FHIP2A: variants seen among roughly 807,000 people sequenced by gnomAD.
FHIP2A encodes the protein family with sequence similarity 160 member B1.
Under a neutral mutation model 93.5 loss-of-function variants are expected in FHIP2A, and 46 were observed. That is an observed-to-expected ratio of 0.49 (90% CI 0.39 to 0.63). The LOEUF is 0.63. Ranked by LOEUF, FHIP2A falls within the 20% of genes least tolerant of loss-of-function variation. FHIP2A has a pLI of 0.00. For missense variants in FHIP2A, 769 were observed against 909.7 expected (o/e 0.85, Z 1.99); for synonymous variants, 332 against 326.5 (o/e 1.02, Z -0.18).
chr10:114,892,573 G>T (rs1334483291), intron 16 of FHIP2A, among the ~76,000 whole-genome samples: 1 of 152,110 alleles, frequency 6.6e-6, no homozygotes, highest in Non-Finnish European at 1.5e-5. Flanking sequence ...GGGAGGAGGA[G>T]GTTGCAGTGA....
At chr10:114,878,359 A>G (rs2083899331) in intron 16 of FHIP2A, among the ~76,000 whole-genome samples, 1 of 152,152 alleles carries the variant, frequency 6.6e-6, no homozygotes, top group Non-Finnish European at 1.5e-5. Context: ...GGGTGTCCTC[A>G]CCTAGTCCAA....
In FHIP2A at chr10:114,855,230, G is replaced by C. The variant is rs1360485449; in HGVS notation, c.1837G>C (p.Glu613Gln). ...RDYCAICLRWEWPGSPKALEK... is the reference protein window; with the variant it reads ...RDYCAICLRWQWPGSPKALEK... ...CTACTGTGCTATCTGCTTAAGATGG[G>C]AGTGGCCTGGGTCTCCAAAAGCATT... The change falls in exon 14 of 17, where the codon GAG becomes CAG. Residue 613 changes from glutamate (E) to glutamine (Q), a missense_variant. Coordinates refer to ENST00000369248, the MANE Select transcript of FHIP2A (RefSeq NM_020940.4). 6.2e-7 allele frequency: 1 copy of C among 1,614,006 alleles called. No individual in the cohort carries two copies. The highest frequency in any genetic ancestry group is 2.2e-5 in the East Asian group (1 of 44,862).
chr10:114,832,036 A>G (rs904886773), intron 2 of FHIP2A, among the ~76,000 whole-genome samples: 3 of 152,214 alleles, frequency 2.0e-5, no homozygotes, highest in Admixed American at 6.5e-5. Context: ...TGTTGTTCAA[A>G]CTATAGAAGT....
At chr10:114,831,835 T>C (rs1014142674) in intron 2 of FHIP2A, among the ~76,000 whole-genome samples, 11 of 152,194 alleles carry the variant, frequency 7.2e-5, no homozygotes, top group Non-Finnish European at 1.2e-4. Context: ...TGAATCCAAG[T>C]TGTCTAACTC....
In FHIP2A at chr10:114,870,365, A is replaced by G. The variant is rs543426179; in HGVS notation, c.2192+9031A>G. Among the ~76,000 whole-genome samples, 4 of 149,348 alleles carry G rather than the reference A, an allele frequency of 2.7e-5. No individual in the cohort carries two copies. The East Asian group carries it at 7.7e-4, about 29-fold the overall frequency. On this transcript the variant is annotated intron_variant, in intron 16 of 16. Transcript: ENST00000369250. Reference sequence around the variant, plus strand: ...CATGGAAGCTGATCCCTGCCTCTTAACAATGATTTTAAATAAAATATATAT... The same window carrying G: ...CATGGAAGCTGATCCCTGCCTCTTAGCAATGATTTTAAATAAAATATATAT...
intron 16 of FHIP2A, among the ~76,000 whole-genome samples, chr10:114,888,416 TGG>T (rs1284632783): frequency 1.3e-5 from 2 of 152,078 alleles, no homozygotes; most frequent in Non-Finnish European, 2.9e-5. Flanking sequence ...TTATCCAGTT[TGG>T]GGAAGTGGAG....
intron 14 of FHIP2A, among the ~76,000 whole-genome samples, chr10:114,859,970 A>G (rs1336937948): frequency 6.6e-6 from 1 of 152,102 alleles, no homozygotes; most frequent in Non-Finnish European, 1.5e-5. Flanking sequence ...ATTTTACTGT[A>G]TGTGTTTTTG....
rs1401887212 is a variant in FHIP2A, at chr10:114,863,979, C to T, written c.*2439C>T. 1 of 1,065,676 alleles carries T rather than the reference C, an allele frequency of 9.4e-7. No homozygotes were observed. Among genetic ancestry groups the T allele is most frequent in the Non-Finnish European group, 1.1e-6 (1 of 877,758 alleles). 66.0% of individuals were successfully genotyped at this position (1,065,676 alleles called of 1,614,324 possible). On this transcript the variant is annotated 3_prime_UTR_variant, in exon 17 of 17. Coordinates refer to ENST00000369248, the MANE Select transcript of FHIP2A (RefSeq NM_020940.4). The stretch of plus-strand genomic sequence containing the variant: ...TTTACTTGATAGAACTCAGATTTGT[C>T]TTAGCCTATTGCCATATAGTACTCA...
chr10:114,880,849 C>T (rs533789464), intron 16 of FHIP2A, among the ~76,000 whole-genome samples: 2 of 152,332 alleles, frequency 1.3e-5, no homozygotes, highest in African/African-American at 4.8e-5. Context: ...GGCTTCGCTT[C>T]AGAGATAAGA....
Position 114,848,712 on chromosome 10 carries a change from C to G in FHIP2A, c.1778C>G (p.Thr593Ser), listed in dbSNP as rs1332822170. The G allele has an allele frequency of 6.2e-7, 1 of 1,612,912 alleles. No individual in the cohort carries two copies. Residue 593 changes from threonine to serine, a missense_variant, in exon 13 of 17, where the codon ACT becomes AGT. By Grantham distance (58) the Thr-to-Ser change is moderately conservative. Transcript: ENST00000369248. ...CATGTTGAGGGCACAGGATATGACA[C>G]TTACCTCCGAGACGCTCATAGGCAG... The part of the protein sequence containing the change: ...SYHVEGTGYD[T>S]YLRDAHRQFR...
At chr10:114,896,927 C>A (rs577112958) in intron 16 of FHIP2A, among the ~76,000 whole-genome samples, 1 of 152,296 alleles carries the variant, frequency 6.6e-6, no homozygotes, top group African/African-American at 2.4e-5. Context: ...AGTAAAGGTT[C>A]CTCTTCAAAG....
rs780878288 is a variant in FHIP2A, at chr10:114,843,063, G to C, written c.653G>C (p.Gly218Ala). The C allele has an allele frequency of 2.7e-5, 44 of 1,614,106 alleles. No individual in the cohort carries two copies. Among genetic ancestry groups the C allele is most frequent in the Non-Finnish European group, 3.6e-5 (43 of 1,180,006 alleles). Residue 218 changes from glycine (G) to alanine (A), a missense_variant, in exon 6 of 17, where the codon GGA becomes GCA. Coordinates refer to ENST00000369248, the MANE Select transcript of FHIP2A (RefSeq NM_020940.4). ...RQPEELSGAT[G>A]MEQTELEDEP... The stretch of plus-strand genomic sequence containing the variant: ...CCAGAGGAACTATCTGGTGCTACTG[G>C]AATGGAGCAAACAGAATTGGAAGAT...
At chr10:114,876,912 A>G (rs1300338291) in intron 16 of FHIP2A, among the ~76,000 whole-genome samples, 1 of 152,074 alleles carries the variant, frequency 6.6e-6, no homozygotes, top group Non-Finnish European at 1.5e-5. Flanking sequence ...TCCCTCCTAA[A>G]CCCTGTAACT....
chr10:114,831,416 C>G (rs139392629), intron 2 of FHIP2A, among the ~76,000 whole-genome samples: 205 of 152,208 alleles, frequency 1.3e-3, no homozygotes, highest in Non-Finnish European at 2.4e-3. Flanking sequence ...GGAAGGATGT[C>G]TCGGGAATGA....
exon 17 of FHIP2A, chr10:114,899,794 T>C: frequency 2.4e-6 from 1 of 419,896 alleles, no homozygotes; most frequent in Non-Finnish European, 4.2e-6. Context: ...AAAAATACTG[T>C]TATCAATAAA....
chr10:114,822,643 G>T (rs2083540783), intron 1 of FHIP2A, among the ~76,000 whole-genome samples: 1 of 152,220 alleles, frequency 6.6e-6, no homozygotes, highest in East Asian at 1.9e-4. Flanking sequence ...GCTGTGGGGC[G>T]TCCCTGGCGA....
Position 114,822,019 on chromosome 10 carries a change from C to A in FHIP2A, c.-60C>A. 1 of 1,140,304 alleles carries A rather than the reference C, an allele frequency of 8.8e-7. No individual in the cohort carries two copies. The highest frequency in any genetic ancestry group is 1.1e-6 in the Non-Finnish European group (1 of 890,700). The allele number at this position is 1,140,304 out of a possible 1,614,324, so 70.6% of individuals were successfully genotyped here. On this transcript the variant is annotated 5_prime_UTR_variant, in exon 1 of 17. Transcript: ENST00000369248. ...CCGGCAGCCGCAGCAGGGGCGGCGG[C>A]GGCGGATCGAGGAGCTCTCCAGGTC...
At chr10:114,834,468 A>T (rs1356980315) in intron 3 of FHIP2A, among the ~76,000 whole-genome samples, 1 of 152,206 alleles carries the variant, frequency 6.6e-6, no homozygotes, top group Non-Finnish European at 1.5e-5. Flanking sequence ...AATGTAAAGT[A>T]TTTGCTAGCT....
At chr10:114,883,909 G>A (rs1469228209) in intron 16 of FHIP2A, among the ~76,000 whole-genome samples, 3 of 151,904 alleles carry the variant, frequency 2.0e-5, no homozygotes, top group Non-Finnish European at 4.4e-5. Context: ...TAAACTGCAG[G>A]GTCAAAACAT....
Sources: allele counts gnomAD v4.1 joint callset (sites outside exome capture counted in the v4.1 genomes callset), GRCh38; gene constraint gnomAD v4.1.1; transcripts MANE v1.5; gene names NCBI Gene and HGNC (gene_info 2026-07-23, HGNC 2026-07-21).